The following KCTD16 variants were observed in gnomAD, a reference collection of about 807,000 sequenced individuals.
KCTD16 encodes potassium channel tetramerization domain containing 16, also known as BTB/POZ domain-containing protein KCTD16.
A neutral mutation model predicts 33.2 loss-of-function variants in KCTD16; 13 were observed. That is an observed-to-expected ratio of 0.39 (90% CI 0.25 to 0.62). The LOEUF (loss-of-function observed/expected upper bound fraction) is 0.62, where lower values mean the gene tolerates loss of function less well. KCTD16 is among the 20% of genes least tolerant of loss of function. KCTD16 has a pLI of 0.50. For missense variants in KCTD16, 441 were observed against 525.1 expected, an observed-to-expected ratio of 0.84 and a Z score of 1.57; for synonymous variants, 197 against 195.3, an observed-to-expected ratio of 1.01 and a Z score of -0.07.
chr5:144,379,724 A>T (rs929195282), intron 3 of KCTD16, among the ~76,000 whole-genome samples: 9 of 152,168 alleles, frequency 5.9e-5, no homozygotes, highest in African/African-American at 1.9e-4. Context: ...ACCAAATAAG[A>T]TCATCCATGC....
intron 3 of KCTD16, among the ~76,000 whole-genome samples, chr5:144,298,732 C>T (rs1756117110): frequency 6.6e-6 from 1 of 151,984 alleles, no homozygotes; most frequent in Admixed American, 6.6e-5. Context: ...TAATTGTTTT[C>T]AGATGCGACT....
chr5:144,292,473 AT>A (rs1417201165), intron 3 of KCTD16, among the ~76,000 whole-genome samples: 2 of 151,606 alleles, frequency 1.3e-5, no homozygotes, highest in African/African-American at 2.4e-5. Flanking sequence ...TTAAGATGAA[AT>A]TTTTTTTTCA....
At chr5:144,419,496 G>A (rs540815818) in intron 3 of KCTD16, among the ~76,000 whole-genome samples, 1 of 152,126 alleles carries the variant, frequency 6.6e-6, no homozygotes, top group Non-Finnish European at 1.5e-5. Flanking sequence ...TGTTTAATGT[G>A]AATGGGATGG....
At chr5:144,327,263 T>C (rs1752234764) in intron 3 of KCTD16, among the ~76,000 whole-genome samples, 1 of 152,136 alleles carries the variant, frequency 6.6e-6, no homozygotes, top group Non-Finnish European at 1.5e-5. Context: ...AGTAAGCCCT[T>C]CTCCTTGCTA....
rs145622700 is a variant in KCTD16 at position 144,207,659 on chromosome 5, C to T, written c.832+113C>T. The T allele has an allele frequency of 2.6e-4, 217 of 826,786 alleles. No individual in the cohort carries two copies. In the African/African-American group the frequency reaches 3.5e-3, roughly 13 times the overall value. The allele number at this position is 826,786 out of a possible 1,614,324, so 51.2% of individuals were successfully genotyped here. ...GAACATGGTTTGGAATTCTTTTTAA[C>T]TCTTGAGTTGTAGTTAGAGGATTAG... is the stretch of plus-strand genomic sequence containing the variant. On this transcript the variant is annotated intron_variant, in intron 3 of 3. Coordinates refer to ENST00000512467, the MANE Select transcript of KCTD16 (RefSeq NM_020768.4).
intron 3 of KCTD16, among the ~76,000 whole-genome samples, chr5:144,417,856 G>A (rs1753105407): frequency 6.6e-6 from 1 of 152,068 alleles, no homozygotes; most frequent in South Asian, 2.1e-4. Flanking sequence ...AGATGTGTCT[G>A]GAATTGGTTC....
At chr5:144,422,625 C>A (rs1423389143) in intron 3 of KCTD16, among the ~76,000 whole-genome samples, 1 of 152,084 alleles carries the variant, frequency 6.6e-6, no homozygotes, top group Non-Finnish European at 1.5e-5. Flanking sequence ...TTCTCATCAT[C>A]TTTGTCTACT....
chr5:144,368,391 C>T lies in KCTD16; in HGVS notation c.833-105269C>T, dbSNP rs149955652. 1.2e-3 allele frequency among the ~76,000 whole-genome samples: 189 copies of T among 152,010 alleles called. 2 individuals carry two copies. The highest frequency in any genetic ancestry group is 4.2e-3 in the African/African-American group (173 of 41,472). On this transcript the variant is annotated intron_variant, in intron 3 of 3. Transcript: ENST00000512467. The stretch of plus-strand genomic sequence containing the variant: ...AATATGAAGGGTGAGAAGGACTCAG[C>T]GCAACATTGCTGGTTTCAGGATGGA...
At chr5:144,353,149 A>C (rs887752884) in intron 3 of KCTD16, among the ~76,000 whole-genome samples, 1 of 152,156 alleles carries the variant, frequency 6.6e-6, no homozygotes, top group Non-Finnish European at 1.5e-5. Context: ...AAGGGGCCCT[A>C]CCCAGACACT....
At chr5:144,217,804 G>A (rs1298048742) in intron 3 of KCTD16, among the ~76,000 whole-genome samples, 1 of 151,782 alleles carries the variant, frequency 6.6e-6, no homozygotes, top group Non-Finnish European at 1.5e-5. Context: ...GGAAACTGCA[G>A]GCACTTCAAA....
At chr5:144,310,561 A>G (rs1751735862) in intron 3 of KCTD16, among the ~76,000 whole-genome samples, 1 of 148,822 alleles carries the variant, frequency 6.7e-6, no homozygotes, top group South Asian at 2.1e-4. Flanking sequence ...GCAAGAAAAT[A>G]TAACATATGT....
chr5:144,279,829 A>T (rs1466156415), intron 3 of KCTD16, among the ~76,000 whole-genome samples: 3 of 152,256 alleles, frequency 2.0e-5, no homozygotes, highest in African/African-American at 7.2e-5. Context: ...TGGGAGACAC[A>T]TTCAAGCCAT....
intron 3 of KCTD16, among the ~76,000 whole-genome samples, chr5:144,409,819 A>AAAC (rs60399517): frequency 0.015 from 2,232 of 151,988 alleles, 54 homozygotes; most frequent in African/African-American, 0.047. Flanking sequence ...CTCTGTCTCA[A>AAAC]AACAACAACA....
chr5:144,471,624 G>T (rs941781393), intron 3 of KCTD16, among the ~76,000 whole-genome samples: 1 of 152,128 alleles, frequency 6.6e-6, no homozygotes, highest in Non-Finnish European at 1.5e-5. Context: ...CCTAGTAAAG[G>T]TAAAAAATGA....
chr5:144,318,369 A>G (rs537916456), intron 3 of KCTD16, among the ~76,000 whole-genome samples: 1 of 152,320 alleles, frequency 6.6e-6, no homozygotes, highest in South Asian at 2.1e-4. Context: ...AGACTATCAT[A>G]TAATGCAATA....
chr5:144,202,883 G>A (rs1171127710), intron 2 of KCTD16, among the ~76,000 whole-genome samples: 2 of 152,290 alleles, frequency 1.3e-5, no homozygotes, highest in East Asian at 3.9e-4. Flanking sequence ...GTGTCTCTGT[G>A]AATGTATGTG....
chr5:144,456,920 A>AAGT (rs1351764467), intron 3 of KCTD16, among the ~76,000 whole-genome samples: 1 of 152,178 alleles, frequency 6.6e-6, no homozygotes, highest in Middle Eastern at 3.2e-3. Flanking sequence ...TTTTATTCCG[A>AAGT]AGTAGTATTT....
At chr5:144,448,932 G>A (rs73299631) in intron 3 of KCTD16, among the ~76,000 whole-genome samples, 12,422 of 151,838 alleles carry the variant, frequency 0.082, 1,694 homozygotes, top group African/African-American at 0.28. Flanking sequence ...TATTAAAAAT[G>A]ACATCATAGA....
At chr5:144,299,072 A>ATTTT (rs1554085837) in intron 3 of KCTD16, among the ~76,000 whole-genome samples, 949 of 57,410 alleles carry the variant, frequency 0.017, 63 homozygotes, top group Non-Finnish European at 0.026. Context: ...ATATATATAT[A>ATTTT]TTTTTGTATA....
Sources: gnomAD v4.1 joint callset for allele counts (sites outside exome capture counted in the v4.1 genomes callset) on GRCh38, gnomAD v4.1.1 for gene constraint, MANE v1.5 for transcripts, NCBI Gene and HGNC (gene_info 2026-07-23, HGNC 2026-07-21) for gene names.